Variants in ATP2B1 observed in about 807,000 individuals in gnomAD.
The protein encoded by ATP2B1 is ATPase plasma membrane Ca2+ transporting 1, also known as plasma membrane calcium-transporting ATPase 1.
Under a neutral mutation model 124.2 loss-of-function variants are expected in ATP2B1, and 14 were observed. The ratio of observed to expected loss-of-function variants is 0.11; its 90% CI spans 0.07 to 0.18. The LOEUF is 0.18. Ranked by LOEUF, ATP2B1 falls within the 10% of genes least tolerant of loss-of-function variation. The pLI is 1.00. For missense variants in ATP2B1, 763 were observed against 1,466.1 expected (o/e 0.52, Z 7.83); for synonymous variants, 449 against 492.4 (o/e 0.91, Z 1.17).
intron 20 of ATP2B1, among the ~76,000 whole-genome samples, chr12:89,597,651 T>C (rs1874899704): frequency 6.6e-6 from 1 of 152,158 alleles, no homozygotes; most frequent in Non-Finnish European, 1.5e-5. Context: ...GATAGGTCTC[T>C]GTCTACTTCA....
At chr12:89,629,110 G>A (rs1039582667) in intron 6 of ATP2B1, among the ~76,000 whole-genome samples, 4 of 152,160 alleles carry the variant, frequency 2.6e-5, no homozygotes, top group Non-Finnish European at 5.9e-5. Context: ...GAAGCTTACT[G>A]GAAAAGACAC....
chr12:89,637,803 T>C (rs1049614266), intron 3 of ATP2B1, among the ~76,000 whole-genome samples: 1 of 152,100 alleles, frequency 6.6e-6, no homozygotes, highest in African/African-American at 2.4e-5. Flanking sequence ...TATGTGCTCA[T>C]TTTTTTCCTG....
At chr12:89,655,390 A>G (rs1287528685) in intron 2 of ATP2B1, among the ~76,000 whole-genome samples, 2 of 152,204 alleles carry the variant, frequency 1.3e-5, no homozygotes, top group African/African-American at 4.8e-5. Context: ...CATCCTCTAT[A>G]GCTCAAAGGG....
chr12:89,612,877 T>C (rs970479734), intron 12 of ATP2B1, among the ~76,000 whole-genome samples: 3 of 152,204 alleles, frequency 2.0e-5, no homozygotes, highest in African/African-American at 7.2e-5. Flanking sequence ...ATTTAACAAA[T>C]AAGCACCAGG....
intron 7 of ATP2B1, 114 bp from the exon 8 acceptor site, chr12:89,626,729 A>G (rs541327324): frequency 1.6e-6 from 2 of 1,252,958 alleles, no homozygotes; most frequent in East Asian, 2.6e-5. Context: ...AGGTATAAGC[A>G]TTCAGCTTTG....
chr12:89,621,938 A>T (rs1042944918), intron 9 of ATP2B1, 147 bp from the exon 10 acceptor site: 59 of 659,286 alleles, frequency 8.9e-5, no homozygotes, highest in Middle Eastern at 5.3e-4. Flanking sequence ...TAATACTGAA[A>T]TTTTTTTTTT....
intron 1 of ATP2B1, among the ~76,000 whole-genome samples, chr12:89,682,815 G>C (rs911195023): frequency 1.3e-5 from 2 of 152,084 alleles, no homozygotes; most frequent in African/African-American, 4.8e-5. Flanking sequence ...AAAAATCAGA[G>C]GTATTACATA....
intron 1 of ATP2B1, among the ~76,000 whole-genome samples, chr12:89,658,999 T>A (rs1425865228): frequency 6.6e-6 from 1 of 152,198 alleles, no homozygotes; most frequent in East Asian, 1.9e-4. Context: ...CTTTTACTAT[T>A]TTCTTCTTTA....
rs1215418236 is a variant in ATP2B1, at chr12:89,611,216, T to G, written c.2224A>C (p.Arg742=). ...LCLEGKDFNR[R]IRNEKGEIEQ... ...ACCTCTCCTTTTTCATTTCGTATTC[T>G]TCTGTTAAAATCTTTACCTTCTAGG... The change falls in exon 13 of 21, where the codon AGA becomes CGA. Residue 742 remains arginine, a synonymous_variant. Transcript: ENST00000428670. 1.3e-6 allele frequency: 2 copies of G among 1,590,088 alleles called. No homozygotes were observed. The highest frequency in any genetic ancestry group is 3.8e-5 in the Admixed American group (2 of 51,984).
In ATP2B1 at chr12:89,620,185, G is replaced by A. The variant is rs1226258789; in HGVS notation, c.1643C>T (p.Ala548Val). The A allele has an allele frequency of 6.2e-7, 1 of 1,613,978 alleles. No homozygotes were observed. The change falls in exon 11 of 21, where the codon GCC becomes GTC. Residue 548 changes from alanine to valine, a missense_variant. By Grantham distance (64) the Ala-to-Val change is moderately conservative. Around this residue, in one of 7 missense-constraint regions of ATP2B1, gnomAD observed 392 missense variants for 776.6 expected, o/e 0.50. Coordinates refer to ENST00000428670, the MANE Select transcript of ATP2B1 (RefSeq NM_001366521.1). ...TAAATCCAAAAGAAGTCCCAACAAG[G>A]CACATTCAGTTTTATTACCAACGTG... ...PRHVGNKTEC[A>V]LLGLLLDLKR...
At chr12:89,632,363 G>A (rs1882011226) in intron 5 of ATP2B1, among the ~76,000 whole-genome samples, 2 of 152,010 alleles carry the variant, frequency 1.3e-5, no homozygotes, top group Non-Finnish European at 2.9e-5. Context: ...TGTTTTTTAG[G>A]CCTTTGCTTC....
chr12:89,666,227 T>C (rs1887304985), intron 1 of ATP2B1, among the ~76,000 whole-genome samples: 1 of 152,182 alleles, frequency 6.6e-6, no homozygotes, highest in South Asian at 2.1e-4. Context: ...CTCACCAAAG[T>C]GCAAAGAATA....
intron 6 of ATP2B1, 131 bp downstream of exon 6, chr12:89,630,374 T>A (rs773790314): frequency 4.2e-5 from 34 of 806,110 alleles, no homozygotes; most frequent in Non-Finnish European, 6.1e-5. Context: ...TGCTATTAAG[T>A]CTAATAGAAA....
At chr12:89,671,768 G>T (rs1888017509) in intron 1 of ATP2B1, among the ~76,000 whole-genome samples, 1 of 80,652 alleles carries the variant, frequency 1.2e-5, no homozygotes, top group South Asian at 6.5e-4. Context: ...GTTTCCCAAG[G>T]CAGTTTTTTT....
chr12:89,678,041 TA>T (rs968542781), intron 1 of ATP2B1, among the ~76,000 whole-genome samples: 16 of 130,982 alleles, frequency 1.2e-4, no homozygotes, highest in Admixed American at 5.2e-4. Context: ...AGAAATCATT[TA>T]AAAAAAAAAT....
intron 1 of ATP2B1, among the ~76,000 whole-genome samples, chr12:89,683,663 C>T (rs950669538): frequency 6.6e-6 from 1 of 152,190 alleles, no homozygotes; most frequent in Admixed American, 6.6e-5. Flanking sequence ...GAGAACAAGT[C>T]ACCCCGATGT....
chr12:89,693,826 G>A (rs566742124), intron 1 of ATP2B1, among the ~76,000 whole-genome samples: 26 of 152,254 alleles, frequency 1.7e-4, no homozygotes, highest in African/African-American at 6.0e-4. Flanking sequence ...ATGAACTTCT[G>A]GCGGCTTAGA....
intron 1 of ATP2B1, among the ~76,000 whole-genome samples, chr12:89,658,200 T>C (rs1202730488): frequency 6.6e-6 from 1 of 152,188 alleles, no homozygotes; most frequent in East Asian, 1.9e-4. Flanking sequence ...TGTTTGTTCA[T>C]CCGTCCTCTG....
chr12:89,642,486 C>G, intron 2 of ATP2B1, 131 bp from the exon 3 acceptor site: 1 of 892,880 alleles, frequency 1.1e-6, no homozygotes, highest in Non-Finnish European at 1.7e-6. Flanking sequence ...TTTAAGTGTA[C>G]AGAATTTAAA....
Sources: allele counts gnomAD v4.1 joint callset (sites outside exome capture counted in the v4.1 genomes callset), GRCh38; gene constraint gnomAD v4.1.1; regional missense constraint gnomAD v4.1.1; transcripts MANE v1.5; gene names NCBI Gene and HGNC (gene_info 2026-07-23, HGNC 2026-07-21).